Variants in ADGRG3 observed in about 807,000 individuals in gnomAD.
ADGRG3 encodes the protein adhesion G protein-coupled receptor G3, also known as G protein-coupled receptor 97.
In ADGRG3, 39 loss-of-function variants were observed where a neutral mutation model predicts 54.3. The observed-to-expected ratio is 0.72, with a 90% confidence interval of 0.56 to 0.94. The LOEUF is 0.94. Ranked by LOEUF, ADGRG3 falls within the 40% of genes least tolerant of loss-of-function variation. The probability of loss-of-function intolerance (pLI) is 0.00; values close to 1 mark genes in which losing one functional copy is unlikely to be tolerated. For missense variants in ADGRG3, 654 were observed against 694.6 expected (o/e 0.94, Z 0.66); for synonymous variants, 312 against 290.0 (o/e 1.08, Z -0.77).
chr16:57,667,362 A>C (rs1281483806), upstream of ADGRG3, among the ~76,000 whole-genome samples: 1 of 152,254 alleles, frequency 6.6e-6, no homozygotes, highest in African/African-American at 2.4e-5. Flanking sequence ...GGCCTCATGC[A>C]CAGTGCATCC....
At chr16:57,670,052 G>T (rs898069537) in intron 1 of ADGRG3, among the ~76,000 whole-genome samples, 3 of 152,210 alleles carry the variant, frequency 2.0e-5, no homozygotes, top group African/African-American at 7.2e-5. Flanking sequence ...AATGGCGGTG[G>T]TTTGCTCACG....
intron 1 of ADGRG3, among the ~76,000 whole-genome samples, chr16:57,669,872 C>A (rs1347744728): frequency 6.6e-6 from 1 of 152,080 alleles, no homozygotes; most frequent in Non-Finnish European, 1.5e-5. Context: ...CAATGGAGGG[C>A]CTGGCATGAA....
rs766006747 is a variant in ADGRG3 at position 57,685,863 on chromosome 16, G to C, written c.1477G>C (p.Ala493Pro). ...SSLVGVTWGL[A>P]IFTPLGLSTV... The stretch of plus-strand genomic sequence containing the variant: ...CCTGGTGGGTGTGACATGGGGGTTG[G>C]CCATCTTCACCCCGTTGGGCCTCTC... The change falls in exon 11 of 12, where the codon GCC becomes CCC. Residue 493 changes from alanine to proline, a missense_variant. Coordinates refer to ENST00000333493, the MANE Select transcript of ADGRG3 (RefSeq NM_170776.5). 6.2e-7 allele frequency: 1 copy of C among 1,614,098 alleles called. No homozygotes were observed. Among genetic ancestry groups the C allele is most frequent in the Non-Finnish European group, 8.5e-7 (1 of 1,180,022 alleles).
chr16:57,678,407 C>A, intron 4 of ADGRG3, 91 bp downstream of exon 4: 1 of 1,304,666 alleles, frequency 7.7e-7, no homozygotes, highest in Non-Finnish European at 1.1e-6. Flanking sequence ...GCCGAGGGAT[C>A]CAATGGGGAC....
intron 3 of ADGRG3, 54 bp downstream of exon 3, chr16:57,676,392 T>A (rs2048264745): frequency 6.4e-7 from 1 of 1,559,118 alleles, no homozygotes; most frequent in East Asian, 2.3e-5. Context: ...TTCTTGGACG[T>A]ATATTTCAAA....
chr16:57,684,469 C>T lies in ADGRG3; in HGVS notation c.1242C>T (p.Arg414=). ...GLYTIRDREN[R]TSLELCWFRE... Reference sequence around the variant, plus strand: ...ACACCATCCGTGATAGGGAGAACCGCACCTCTCTGGAGCTGTGAGTGGCGG... The same window carrying T: ...ACACCATCCGTGATAGGGAGAACCGTACCTCTCTGGAGCTGTGAGTGGCGG... The change falls in exon 10 of 12, where the codon CGC becomes CGT. Residue 414 remains arginine (R), a synonymous_variant. Coordinates refer to ENST00000333493, the MANE Select transcript of ADGRG3 (RefSeq NM_170776.5). 6.2e-7 allele frequency: 1 copy of T among 1,613,204 alleles called. No homozygotes were observed. The highest frequency in any genetic ancestry group is 1.7e-5 in the Admixed American group (1 of 60,008).
intron 8 of ADGRG3, among the ~76,000 whole-genome samples, chr16:57,681,858 G>A (rs760985919): frequency 1.3e-5 from 2 of 152,110 alleles, no homozygotes; most frequent in African/African-American, 2.4e-5. Flanking sequence ...TCCTACAGAG[G>A]TCACATGCTC....
intron 4 of ADGRG3, chr16:57,678,659 A>C: frequency 5.5e-6 from 2 of 366,382 alleles, no homozygotes; most frequent in South Asian, 3.1e-5. Flanking sequence ...AAGCCCATGT[A>C]CTCAGCTGTG....
chr16:57,666,963 T>C (rs1449963476), upstream of ADGRG3, among the ~76,000 whole-genome samples: 3 of 151,922 alleles, frequency 2.0e-5, no homozygotes, highest in Non-Finnish European at 2.9e-5. Flanking sequence ...GGGAGGGAGG[T>C]CTGCAGATCT....
chr16:57,679,415 C>T, intron 5 of ADGRG3, 104 bp downstream of exon 5: 1 of 1,291,322 alleles, frequency 7.7e-7, no homozygotes, highest in Non-Finnish European at 1.1e-6. Context: ...CTGTCCCCTA[C>T]CCTTCCACAG....
upstream of ADGRG3, among the ~76,000 whole-genome samples, chr16:57,667,605 G>C (rs935174117): frequency 7.2e-5 from 11 of 152,250 alleles, no homozygotes; most frequent in African/African-American, 2.7e-4. Flanking sequence ...GACAGTGCAT[G>C]CAAGGTCACC....
chr16:57,673,857 C>T (rs1404025332), intron 2 of ADGRG3, among the ~76,000 whole-genome samples: 1 of 152,122 alleles, frequency 6.6e-6, no homozygotes, highest in East Asian at 1.9e-4. Context: ...AGGAGTTTTC[C>T]AGCTGGATCT....
In ADGRG3 at chr16:57,683,948, T is replaced by G; in HGVS notation, c.898T>G (p.Phe300Val). ...YAFLRLSRER[F>V]KSEDAPKIHV... ...TCACCCCAGGCTTTCCCGGGAGAGGTTCAAGTCAGAAGATGCCCCAAAGAT... is the reference window on the plus strand; with the variant it reads ...TCACCCCAGGCTTTCCCGGGAGAGGGTCAAGTCAGAAGATGCCCCAAAGAT... Residue 300 changes from phenylalanine to valine, a missense_variant, in exon 9 of 12, where the codon TTC (phenylalanine) becomes GTC (valine). Physicochemically the swap from Phe to Val is conservative, Grantham distance 50. Coordinates refer to ENST00000333493, the MANE Select transcript of ADGRG3 (RefSeq NM_170776.5). The G allele has an allele frequency of 5.8e-6, 9 of 1,540,566 alleles. No homozygotes were observed. Among genetic ancestry groups the G allele is most frequent in the Admixed American group, 1.9e-5 (1 of 53,290 alleles).
chr16:57,667,372 C>T (rs947853460), upstream of ADGRG3, among the ~76,000 whole-genome samples: 3 of 152,240 alleles, frequency 2.0e-5, no homozygotes, highest in Non-Finnish European at 2.9e-5. Context: ...ACAGTGCATC[C>T]GTGGGGCCTC....
intron 10 of ADGRG3, 109 bp from the exon 11 acceptor site, chr16:57,685,534 G>A: frequency 9.3e-7 from 1 of 1,075,326 alleles, no homozygotes; most frequent in Non-Finnish European, 1.4e-6. Flanking sequence ...TTGATGGGTG[G>A]AAATGGGAGA....
At position 57,676,231 on chromosome 16, in the gene ADGRG3, A is replaced by C; in HGVS notation, c.238A>C (p.Lys80Gln). 1.2e-6 allele frequency: 2 copies of C among 1,614,036 alleles called. No individual in the cohort carries two copies. Among genetic ancestry groups the C allele is most frequent in the Non-Finnish European group, 1.7e-6 (2 of 1,179,958 alleles). Reference protein sequence around the residue: ...YWLNYEAHLMKEGLTQKVNTP... With the variant: ...YWLNYEAHLMQEGLTQKVNTP... ...GCTAAACTACGAGGCCCATCTGATG[A>C]AGGAAGGTTTGACGCAGAAGGTGAA... is the stretch of plus-strand genomic sequence containing the variant. The change falls in exon 3 of 12, where the codon AAG becomes CAG. Residue 80 changes from lysine (K) to glutamine (Q), a missense_variant. By Grantham distance (53) the Lys-to-Gln change is moderately conservative. Coordinates refer to ENST00000333493, the MANE Select transcript of ADGRG3 (RefSeq NM_170776.5).
chr16:57,688,510 C>T lies in ADGRG3; in HGVS notation c.*49C>T, dbSNP rs1211306560. 1 of 1,066,662 alleles carries T rather than the reference C, an allele frequency of 9.4e-7. No homozygotes were observed. The highest frequency in any genetic ancestry group is 1.7e-5 in the Admixed American group (1 of 59,378). The allele number at this position is 1,066,662 out of a possible 1,614,324, so 66.1% of individuals were successfully genotyped here. ...ACTCAGCTCTGGCTCTCTGTGTGAC[C>T]TTGGGCAGCTCCGTGCCTCTCTCTG... On this transcript the variant is annotated 3_prime_UTR_variant, in exon 12 of 12. Coordinates refer to ENST00000333493, the MANE Select transcript of ADGRG3 (RefSeq NM_170776.5).
chr16:57,678,055 G>A (rs1252790453), intron 3 of ADGRG3, 115 bp from the exon 4 acceptor site: 10 of 1,291,450 alleles, frequency 7.7e-6, no homozygotes, highest in Non-Finnish European at 1.1e-5. Flanking sequence ...AGAGCTGACA[G>A]TCCCCAGGTG....
intron 11 of ADGRG3, 88 bp from the exon 12 acceptor site, chr16:57,688,264 C>A (rs2048513393): frequency 7.3e-6 from 6 of 826,712 alleles, no homozygotes; most frequent in African/African-American, 1.7e-5. Flanking sequence ...TACGGTGGGT[C>A]TCCTCCCTCT....
Sources: gnomAD v4.1 joint callset for allele counts (sites outside exome capture counted in the v4.1 genomes callset) on GRCh38, gnomAD v4.1.1 for gene constraint, MANE v1.5 for transcripts, NCBI Gene and HGNC (gene_info 2026-07-23, HGNC 2026-07-21) for gene names.